The following PRSS55 variants were observed in gnomAD, a reference collection of about 807,000 sequenced individuals.
The protein encoded by PRSS55 is probable serine protease UNQ9391/PRO34284.
A neutral mutation model predicts 23.6 loss-of-function variants in PRSS55; 41 were observed. That is an observed-to-expected ratio of 1.74 (90% confidence interval 1.35 to 2.26). The LOEUF is 2.26. Ranked by LOEUF, PRSS55 falls within the 30% of genes most tolerant of loss-of-function variation. PRSS55 has a pLI of 0.00. For missense variants in PRSS55, 669 were observed against 439.1 expected (o/e 1.52, Z -4.68); for synonymous variants, 262 against 175.5 (o/e 1.49, Z -3.90).
chr8:10,526,400 G>A (rs1812024375), intron 1 of PRSS55, among the ~76,000 whole-genome samples: 1 of 152,218 alleles, frequency 6.6e-6, no homozygotes, highest in African/African-American at 2.4e-5. Flanking sequence ...CGCAGCGCCA[G>A]GCTGCATGCC....
chr8:10,544,927 G>C, intron 4 of PRSS55: 1 of 690,534 alleles, frequency 1.4e-6, no homozygotes, highest in Non-Finnish European at 1.8e-6. Flanking sequence ...GAGAAGAAAG[G>C]AGATAAAGTA....
chr8:10,538,514 T>C lies in PRSS55; in HGVS notation c.780T>C (p.Pro260=). The C allele has an allele frequency of 6.2e-7, 1 of 1,614,026 alleles. No homozygotes were observed. The highest frequency in any genetic ancestry group is 1.7e-5 in the Admixed American group (1 of 60,022). The change falls in exon 5 of 5, where the codon CCT becomes CCC. Residue 260 remains proline, a synonymous_variant. Coordinates refer to ENST00000328655, the MANE Select transcript of PRSS55 (RefSeq NM_198464.4). The part of the protein sequence containing the change: ...SGGPLVCTPE[P]GEKWYQVGII... ...GGCCTCTGGTCTGCACCCCAGAGCC[T>C]GGTGAGAAGTGGTACCAGGTGGGCA... is the stretch of plus-strand genomic sequence containing the variant.
chr8:10,537,873 ATTTG>A (rs886657718), intron 4 of PRSS55, among the ~76,000 whole-genome samples: 2 of 152,160 alleles, frequency 1.3e-5, no homozygotes, highest in African/African-American at 2.4e-5. Context: ...GATGTGGGGC[ATTTG>A]TTTGATTTAT....
rs1401443293 is a variant in PRSS55, at chr8:10,530,846, G to C, written c.348-449G>C. On this transcript the variant is annotated intron_variant, in intron 2 of 4. Coordinates refer to ENST00000328655, the MANE Select transcript of PRSS55 (RefSeq NM_198464.4). ...TTATTACTGAAGATCCTGTCTGCTT[G>C]GTCAGTGGCAGGTCTAGACTAACTT... 4.6e-5 allele frequency among the ~76,000 whole-genome samples: 7 copies of C among 152,276 alleles called. No homozygotes were observed. The East Asian group carries it at 1.2e-3, about 25-fold the overall frequency.
intron 4 of PRSS55, among the ~76,000 whole-genome samples, chr8:10,545,887 G>C (rs1229197528): frequency 6.6e-6 from 1 of 152,192 alleles, no homozygotes; most frequent in Non-Finnish European, 1.5e-5. Flanking sequence ...CCAGTAAGAG[G>C]CATCTTCTAT....
At chr8:10,553,661 G>A (rs1014603434) in intron 4 of PRSS55, among the ~76,000 whole-genome samples, 4 of 152,096 alleles carry the variant, frequency 2.6e-5, no homozygotes, top group African/African-American at 9.7e-5. Flanking sequence ...ATGGTCAAAG[G>A]GCACAAAATT....
chr8:10,540,447 C>T (rs976458232), downstream of PRSS55: 22 of 152,446 alleles, frequency 1.4e-4, no homozygotes, highest in African/African-American at 5.3e-4. Flanking sequence ...CGAGGTGGCT[C>T]ATGCCTGTAA....
downstream of PRSS55, chr8:10,538,841 T>G: frequency 6.7e-7 from 1 of 1,493,758 alleles, no homozygotes; most frequent in Non-Finnish European, 9.0e-7. Flanking sequence ...TGCATGCAAG[T>G]GCGTCTCCAG....
At chr8:10,532,766 A>T in intron 3 of PRSS55, 140 bp from the exon 4 acceptor site, 1 of 997,730 alleles carries the variant, frequency 1.0e-6, no homozygotes. Flanking sequence ...GGTAACCTGA[A>T]GGAAGTGAGG....
chr8:10,548,868 T>G (rs1158406355), intron 4 of PRSS55, among the ~76,000 whole-genome samples: 1 of 151,658 alleles, frequency 6.6e-6, no homozygotes, highest in Non-Finnish European at 1.5e-5. Flanking sequence ...GACCTGGTGG[T>G]GGGGGAGACA....
intron 3 of PRSS55, 102 bp downstream of exon 3, chr8:10,531,647 G>C: frequency 6.6e-7 from 1 of 1,507,426 alleles, no homozygotes; most frequent in South Asian, 1.3e-5. Flanking sequence ...CATTGGAGCA[G>C]ATTCCCGCTC....
In PRSS55 at chr8:10,525,643, C is replaced by A. The variant is rs932219981; in HGVS notation, c.58C>A (p.Pro20Thr). The A allele has an allele frequency of 6.2e-5, 100 of 1,614,042 alleles. No individual in the cohort carries two copies. The highest frequency in any genetic ancestry group is 8.4e-5 in the Non-Finnish European group (99 of 1,180,026). The change falls in exon 1 of 5, where the codon CCA (proline) becomes ACA (threonine). Residue 20 changes from proline to threonine, a missense_variant. Coordinates refer to ENST00000328655, the MANE Select transcript of PRSS55 (RefSeq NM_198464.4). ...LSLVTGTQLGPRTPLPEAGVA... is the reference protein window; with the variant it reads ...LSLVTGTQLGTRTPLPEAGVA... ...CCTGGTCACGGGAACTCAGCTCGGT[C>A]CACGGACTCCTCTCCCAGAGGCTGG...
chr8:10,532,733 G>T (rs1812313364), intron 3 of PRSS55, among the ~76,000 whole-genome samples, 173 bp from the exon 4 acceptor site: 1 of 152,112 alleles, frequency 6.6e-6, no homozygotes. Context: ...GTTGTTGGGG[G>T]AGTGGGTAAG....
At chr8:10,547,951 G>C (rs1408479562) in intron 4 of PRSS55, among the ~76,000 whole-genome samples, 2 of 141,282 alleles carry the variant, frequency 1.4e-5, no homozygotes, top group East Asian at 4.1e-4. Context: ...GAGGCACAGA[G>C]GAGAACAGGG....
At chr8:10,543,934 G>C (rs976892408) in intron 4 of PRSS55, among the ~76,000 whole-genome samples, 1 of 152,080 alleles carries the variant, frequency 6.6e-6, no homozygotes, top group South Asian at 2.1e-4. Flanking sequence ...ATTGCTTTAT[G>C]GCTTAGAATA....
At chr8:10,529,228 G>C (rs1812153235) in intron 1 of PRSS55, among the ~76,000 whole-genome samples, 1 of 152,202 alleles carries the variant, frequency 6.6e-6, no homozygotes, top group African/African-American at 2.4e-5. Flanking sequence ...GCAGAAACAA[G>C]CTCAGTGAAG....
chr8:10,544,317 G>T (rs1304173004), intron 4 of PRSS55, among the ~76,000 whole-genome samples: 1 of 151,898 alleles, frequency 6.6e-6, no homozygotes, highest in Non-Finnish European at 1.5e-5. Context: ...AGTCTATTTT[G>T]TTGATATCAT....
chr8:10,546,002 A>C (rs1812808805), intron 4 of PRSS55, among the ~76,000 whole-genome samples: 1 of 152,066 alleles, frequency 6.6e-6, no homozygotes, highest in Non-Finnish European at 1.5e-5. Context: ...TGAGGCTCAG[A>C]TGCTGCGTGA....
intron 1 of PRSS55, among the ~76,000 whole-genome samples, chr8:10,526,660 G>C (rs1268722236): frequency 1.3e-5 from 2 of 152,212 alleles, no homozygotes; most frequent in African/African-American, 4.8e-5. Flanking sequence ...CAGATGTTGT[G>C]GGTTGATCTC....
Sources: allele counts gnomAD v4.1 joint callset (sites outside exome capture counted in the v4.1 genomes callset), GRCh38; gene constraint gnomAD v4.1.1; transcripts MANE v1.5; gene names NCBI Gene and HGNC (gene_info 2026-07-23, HGNC 2026-07-21).